MDGA2: variants seen among roughly 807,000 people sequenced by gnomAD.
MDGA2 encodes MAM domain-containing glycosylphosphatidylinositol anchor protein 2.
In MDGA2, 40 loss-of-function variants were observed where a neutral mutation model predicts 117.8. The ratio of observed to expected loss-of-function variants is 0.34; its 90% CI spans 0.26 to 0.44. MDGA2 has a LOEUF of 0.44. MDGA2 is among the 20% of genes least tolerant of loss of function. The probability of loss-of-function intolerance (pLI) is 1.00; values close to 1 mark genes in which losing one functional copy is unlikely to be tolerated. For missense variants in MDGA2, 1,123 were observed against 1,250.6 expected, an observed-to-expected ratio of 0.90 and a Z score of 1.54; for synonymous variants, 452 against 439.0, an observed-to-expected ratio of 1.03 and a Z score of -0.37.
At chr14:47,068,417 AAT>A (rs1555349028) in intron 6 of MDGA2, among the ~76,000 whole-genome samples, 104 of 148,292 alleles carry the variant, frequency 7.0e-4, no homozygotes, top group East Asian at 4.1e-3. Context: ...AGAAAAAAAA[AAT>A]ATATATATAT....
intron 3 of MDGA2, among the ~76,000 whole-genome samples, chr14:47,177,777 G>C (rs1048051913): frequency 6.6e-6 from 1 of 151,878 alleles, no homozygotes; most frequent in South Asian, 2.1e-4. Context: ...TTGTGCACAT[G>C]TACCCTAAAA....
chr14:47,341,682 T>C (rs1053862028), intron 1 of MDGA2, among the ~76,000 whole-genome samples: 5 of 152,216 alleles, frequency 3.3e-5, no homozygotes, highest in African/African-American at 9.6e-5. Flanking sequence ...AAAAGTGTTA[T>C]GTGTTTTCCT....
intron 1 of MDGA2, among the ~76,000 whole-genome samples, chr14:47,611,822 A>G (rs866463243): frequency 6.6e-6 from 1 of 152,212 alleles, no homozygotes; most frequent in African/African-American, 2.4e-5. Flanking sequence ...TCTGGGATGT[A>G]GTGCATATTG....
chr14:47,234,858 T>C (rs1360396701), intron 2 of MDGA2, among the ~76,000 whole-genome samples: 1 of 152,170 alleles, frequency 6.6e-6, no homozygotes, highest in Non-Finnish European at 1.5e-5. Context: ...TATTCTCTGA[T>C]GGAAGTATTT....
intron 1 of MDGA2, among the ~76,000 whole-genome samples, chr14:47,518,400 T>C (rs1481151558): frequency 6.6e-6 from 1 of 152,224 alleles, no homozygotes; most frequent in Non-Finnish European, 1.5e-5. Flanking sequence ...TATATGCATA[T>C]GTGTGTTGAT....
intron 2 of MDGA2, among the ~76,000 whole-genome samples, chr14:47,273,690 G>T (rs1265063130): frequency 6.6e-6 from 1 of 152,028 alleles, no homozygotes; most frequent in Admixed American, 6.6e-5. Context: ...CATTTAGAGA[G>T]AGATTTTTCC....
chr14:47,577,498 C>G (rs566744017), intron 1 of MDGA2, among the ~76,000 whole-genome samples: 1 of 152,140 alleles, frequency 6.6e-6, no homozygotes, highest in Non-Finnish European at 1.5e-5. Flanking sequence ...TCAGAGGGAA[C>G]AGACAACCTA....
At chr14:47,028,577 T>G (rs1295316444) in intron 8 of MDGA2, among the ~76,000 whole-genome samples, 1 of 152,196 alleles carries the variant, frequency 6.6e-6, no homozygotes. Context: ...CTAATGCTAG[T>G]GTCCATGGAG....
chr14:47,575,095 C>T (rs1896092211), intron 1 of MDGA2, among the ~76,000 whole-genome samples: 1 of 152,190 alleles, frequency 6.6e-6, no homozygotes, highest in Non-Finnish European at 1.5e-5. Context: ...TCTGAGTTTA[C>T]TCTTCCAGAT....
At chr14:47,540,730 A>T (rs1219132955) in intron 1 of MDGA2, among the ~76,000 whole-genome samples, 4 of 151,412 alleles carry the variant, frequency 2.6e-5, no homozygotes, top group African/African-American at 9.7e-5. Context: ...CTGGCTAATT[A>T]AAAACATGTA....
intron 10 of MDGA2, among the ~76,000 whole-genome samples, chr14:46,886,549 T>C (rs1882684293): frequency 6.6e-6 from 1 of 152,086 alleles, no homozygotes. Flanking sequence ...GAGATGATGA[T>C]GCAGTTGTGA....
intron 1 of MDGA2, among the ~76,000 whole-genome samples, chr14:47,317,945 A>T (rs1273604610): frequency 6.6e-6 from 1 of 152,090 alleles, no homozygotes; most frequent in Non-Finnish European, 1.5e-5. Context: ...TTCTCTCAAA[A>T]AAGGTGTCTT....
At chr14:47,054,633 TG>T (rs1356741683) in intron 7 of MDGA2, among the ~76,000 whole-genome samples, 2 of 151,896 alleles carry the variant, frequency 1.3e-5, no homozygotes, top group African/African-American at 4.8e-5. Flanking sequence ...CAAAACAGCA[TG>T]GTACTGGTAC....
chr14:46,846,829 A>G (rs1880860426), intron 15 of MDGA2, among the ~76,000 whole-genome samples: 3 of 152,118 alleles, frequency 2.0e-5, no homozygotes, highest in Admixed American at 2.0e-4. Flanking sequence ...TGGTCATTCC[A>G]AAGAATAGTT....
At chr14:46,996,115 A>G (rs1416535121) in intron 8 of MDGA2, among the ~76,000 whole-genome samples, 2 of 152,116 alleles carry the variant, frequency 1.3e-5, no homozygotes, top group Non-Finnish European at 2.9e-5. Context: ...GAGATATGAG[A>G]TAAGTGCCAC....
intron 1 of MDGA2, among the ~76,000 whole-genome samples, chr14:47,618,590 T>G (rs577640281): frequency 6.6e-6 from 1 of 152,228 alleles, no homozygotes; most frequent in South Asian, 2.1e-4. Context: ...CGCTCATTTT[T>G]GCAATTTTTC....
chr14:47,363,231 T>C (rs941411188), intron 1 of MDGA2, among the ~76,000 whole-genome samples: 5 of 152,106 alleles, frequency 3.3e-5, no homozygotes, highest in Non-Finnish European at 5.9e-5. Flanking sequence ...TCAAATTATT[T>C]ATTTATTTAT....
At chr14:47,147,820 T>C (rs954545730) in intron 3 of MDGA2, among the ~76,000 whole-genome samples, 1 of 152,150 alleles carries the variant, frequency 6.6e-6, no homozygotes, top group Non-Finnish European at 1.5e-5. Flanking sequence ...ACTATATCCA[T>C]CATCTCCTTC....
intron 3 of MDGA2, among the ~76,000 whole-genome samples, chr14:47,183,911 T>A (rs1472538944): frequency 1.3e-5 from 2 of 151,960 alleles, no homozygotes; most frequent in Non-Finnish European, 2.9e-5. Flanking sequence ...CCTTTTTGCA[T>A]CCATAACTCT....
Sources: gnomAD v4.1 joint callset for allele counts (sites outside exome capture counted in the v4.1 genomes callset) on GRCh38, gnomAD v4.1.1 for gene constraint, MANE v1.5 for transcripts, NCBI Gene and HGNC (gene_info 2026-07-23, HGNC 2026-07-21) for gene names.